The following TPP2 variants were observed in gnomAD, a reference collection of about 807,000 sequenced individuals.
The protein encoded by TPP2 is tripeptidyl-peptidase 2.
A neutral mutation model predicts 155.9 loss-of-function variants in TPP2; 34 were observed. That is an observed-to-expected ratio of 0.22 (90% CI 0.17 to 0.29). TPP2 has a LOEUF of 0.29. Ranked by LOEUF, TPP2 falls within the 10% of genes least tolerant of loss-of-function variation. The pLI is 1.00. For synonymous variants in TPP2, 510 were observed against 529.4 expected, an observed-to-expected ratio of 0.96 and a Z score of 0.50; for missense variants, 1,028 against 1,522.3, an observed-to-expected ratio of 0.68 and a Z score of 5.40.
chr13:102,635,736 GCAT>G (rs1354213740), intron 12 of TPP2, 34 bp downstream of exon 12: 3 of 1,452,682 alleles, frequency 2.1e-6, no homozygotes, highest in Non-Finnish European at 2.9e-6. Flanking sequence ...GGGTTGTAAA[GCAT>G]CATTGAGATA....
At position 102,622,750 on chromosome 13, in the gene TPP2, G is replaced by GT. The variant is rs1881252918; in HGVS notation, c.621-126dup. On this transcript the variant is annotated intron_variant, in intron 5 of 29. Transcript: ENST00000376052. Reference sequence around the variant, plus strand: ...TCTAAGAAACAGGCTAAACCAGGCAGTCATTATATTTATATTTGTTGTGGT... The same window carrying GT: ...TCTAAGAAACAGGCTAAACCAGGCAGTTCATTATATTTATATTTGTTGTGGT... The GT allele has an allele frequency of 7.4e-6, 8 of 1,086,100 alleles. No individual in the cohort carries two copies. The South Asian group carries it at 1.0e-4, about 14-fold the overall frequency. The allele number at this position is 1,086,100 out of a possible 1,614,324, so 67.3% of individuals were successfully genotyped here. A position where few individuals can be genotyped will look rare whatever the true frequency, so the allele number is the denominator to read the frequency against.
rs748343159 is a variant in TPP2, at chr13:102,618,688, T to C, written c.496-34T>C. 1.9e-6 allele frequency: 3 copies of C among 1,607,278 alleles called. No homozygotes were observed. The Admixed American group carries it at 5.1e-5, about 27-fold the overall frequency. The stretch of plus-strand genomic sequence containing the variant: ...TAATACAACTTTTAGAAGGACAGAA[T>C]GTACTAATGTTAATCAGTTTTCCAA... On this transcript the variant is annotated intron_variant, in intron 4 of 29. Coordinates refer to ENST00000376052, the MANE Select transcript of TPP2 (RefSeq NM_001330588.2).
chr13:102,647,582 C>A (rs1368611319), intron 21 of TPP2, among the ~76,000 whole-genome samples: 3 of 152,134 alleles, frequency 2.0e-5, no homozygotes, highest in Non-Finnish European at 4.4e-5. Flanking sequence ...GAACCTTGCC[C>A]ACACTGGCCA....
chr13:102,643,516 A>T lies in TPP2; in HGVS notation c.2175+140A>T, dbSNP rs536116345. 416 of 887,122 alleles carry T rather than the reference A, an allele frequency of 4.7e-4. 3 individuals are homozygous for T. In the African/African-American group the frequency reaches 6.7e-3, roughly 14 times the overall value. The allele number at this position is 887,122 out of a possible 1,614,324, so 55.0% of individuals were successfully genotyped here. The stretch of plus-strand genomic sequence containing the variant: ...ATATTTTTTTAATGCCAAAAAAATG[A>T]AGTAGAAAAATAGAAAATCTAATCA... On this transcript the variant is annotated intron_variant, in intron 17 of 29. Coordinates refer to ENST00000376052, the MANE Select transcript of TPP2 (RefSeq NM_001330588.2).
At chr13:102,659,283 G>A (rs570037062) in intron 25 of TPP2, among the ~76,000 whole-genome samples, 1 of 152,238 alleles carries the variant, frequency 6.6e-6, no homozygotes, top group South Asian at 2.1e-4. Context: ...GGAGAACAGA[G>A]AGAAAGCAAA....
intron 10 of TPP2, among the ~76,000 whole-genome samples, chr13:102,633,546 TA>T (rs554096753): frequency 5.3e-5 from 8 of 152,208 alleles, no homozygotes; most frequent in Non-Finnish European, 7.3e-5. Context: ...TGGCCCACAT[TA>T]TATTTCTATT....
intron 27 of TPP2, among the ~76,000 whole-genome samples, chr13:102,666,889 C>T (rs1313909608): frequency 2.1e-5 from 3 of 143,970 alleles, no homozygotes; most frequent in East Asian, 4.3e-4. Context: ...TTTGTAAAAA[C>T]GCTAAGAGTG....
chr13:102,639,095 C>A (rs1882583524), intron 15 of TPP2, among the ~76,000 whole-genome samples: 1 of 152,212 alleles, frequency 6.6e-6, no homozygotes, highest in Non-Finnish European at 1.5e-5. Flanking sequence ...CTTCTTTCTG[C>A]TTCGTGGCAC....
chr13:102,664,624 C>G (rs2139593425), intron 26 of TPP2, among the ~76,000 whole-genome samples, 171 bp from the exon 27 acceptor site: 2 of 152,172 alleles, frequency 1.3e-5, no homozygotes, highest in South Asian at 4.1e-4. Context: ...GAGATACCAG[C>G]AATTAGAAAA....
intron 6 of TPP2, 22 bp downstream of exon 6, chr13:102,623,062 A>G: frequency 6.2e-7 from 1 of 1,604,180 alleles, no homozygotes. Flanking sequence ...CAGATTGACC[A>G]ATGAGATATA....
At chr13:102,639,684 A>G (rs1032863432) in intron 15 of TPP2, among the ~76,000 whole-genome samples, 1 of 152,192 alleles carries the variant, frequency 6.6e-6, no homozygotes, top group Admixed American at 6.5e-5. Flanking sequence ...GTAGGCACTC[A>G]TTTAACCGTT....
intron 4 of TPP2, among the ~76,000 whole-genome samples, chr13:102,618,408 G>A (rs1488805989): frequency 6.6e-6 from 1 of 152,160 alleles, no homozygotes; most frequent in East Asian, 1.9e-4. Context: ...TAACAAATAT[G>A]TAACAAGCAT....
rs1347376577 is a variant in TPP2, at chr13:102,640,293, A to G, written c.1937A>G (p.Asp646Gly). Residue 646 changes from aspartate (D) to glycine (G), a missense_variant, in exon 16 of 30, where the codon GAT (aspartate) becomes GGT (glycine). Physicochemically the swap from Asp to Gly is moderately conservative, Grantham distance 94 (BLOSUM62 -1). Around this residue, in one of 7 missense-constraint regions of TPP2, gnomAD observed 325 missense variants for 463.7 expected, o/e 0.70. Transcript: ENST00000376052. ...AGAGTAAATGAATCATCACATTATG[A>G]TCTAGCCTTTACAGATGTACACTTT... ...AAKVNESSHY[D>G]LAFTDVHFKP... 4 of 1,611,390 alleles carry G rather than the reference A, an allele frequency of 2.5e-6. No individual in the cohort carries two copies. Among genetic ancestry groups the G allele is most frequent in the Non-Finnish European group, 8.5e-7 (1 of 1,178,224 alleles).
chr13:102,630,303 T>A (rs1881935164), intron 10 of TPP2, 108 bp downstream of exon 10: 1 of 750,920 alleles, frequency 1.3e-6, no homozygotes, highest in Non-Finnish European at 2.1e-6. Flanking sequence ...TGTTGGTTTT[T>A]ACTTTTTTTT....
intron 28 of TPP2, among the ~76,000 whole-genome samples, chr13:102,674,887 C>G (rs1885202353): frequency 6.6e-6 from 1 of 152,126 alleles, no homozygotes; most frequent in Non-Finnish European, 1.5e-5. Context: ...TTAGTTGTTA[C>G]TTATTTTCCT....
At chr13:102,626,789 T>A in intron 6 of TPP2, 1 of 326,572 alleles carries the variant, frequency 3.1e-6, no homozygotes, top group Admixed American at 4.9e-5. Context: ...TCCCTTTTTT[T>A]ATTGTGAATT....
At position 102,646,317 on chromosome 13, in the gene TPP2, C is replaced by T; in HGVS notation, c.2417C>T (p.Pro806Leu). 1.2e-6 allele frequency: 2 copies of T among 1,612,430 alleles called. No homozygotes were observed. Among genetic ancestry groups the T allele is most frequent in the Non-Finnish European group, 1.7e-6 (2 of 1,179,362 alleles). Residue 806 changes from proline to leucine, a missense_variant, in exon 20 of 30, where the codon CCT becomes CTT. Around this residue, in one of 7 missense-constraint regions of TPP2, gnomAD observed 325 missense variants for 463.7 expected, o/e 0.70. Transcript: ENST00000376052. ...TLRPVSAKTK[P>L]LGSRDVLPNN... ...AGCCCAGTGAGTGCAAAAACAAAAC[C>T]TTTAGGATCAAGAGATGTTTTGCCA...
chr13:102,664,675 C>T lies in TPP2; in HGVS notation c.3241-120C>T, dbSNP rs373770847. 176 of 1,012,784 alleles carry T rather than the reference C, an allele frequency of 1.7e-4. 1 individual carries two copies. In the East Asian group the frequency reaches 4.2e-3, roughly 24 times the overall value. The allele number at this position is 1,012,784 out of a possible 1,614,324, so 62.7% of individuals were successfully genotyped here. The stretch of plus-strand genomic sequence containing the variant: ...AGCAGGGAGCCCCTGGGCTACAAGT[C>T]AATTACATAGTTTACTCACACTGCA... On this transcript the variant is annotated intron_variant, in intron 26 of 29. Coordinates refer to ENST00000376052, the MANE Select transcript of TPP2 (RefSeq NM_001330588.2).
chr13:102,669,495 G>T (rs868602872), intron 27 of TPP2, among the ~76,000 whole-genome samples: 3 of 152,210 alleles, frequency 2.0e-5, no homozygotes, highest in African/African-American at 7.2e-5. Flanking sequence ...GGAAGAGCAT[G>T]TATGCTAATT....
Sources: allele counts gnomAD v4.1 joint callset (sites outside exome capture counted in the v4.1 genomes callset), GRCh38; gene constraint gnomAD v4.1.1; regional missense constraint gnomAD v4.1.1; transcripts MANE v1.5; gene names NCBI Gene and HGNC (gene_info 2026-07-23, HGNC 2026-07-21).